TMEM132C: variants seen among roughly 807,000 people sequenced by gnomAD.
TMEM132C encodes transmembrane protein 132C.
TMEM132C carries 29 observed loss-of-function variants against 61.4 expected under a neutral mutation model. The ratio of observed to expected loss-of-function variants is 0.47; its 90% CI spans 0.35 to 0.64. TMEM132C has a LOEUF of 0.64. Ranked by LOEUF, TMEM132C falls within the 30% of genes least tolerant of loss-of-function variation. The pLI, the probability that TMEM132C is intolerant of heterozygous loss-of-function variation, is 0.00. For synonymous variants in TMEM132C, 656 were observed against 633.1 expected (o/e 1.04, Z -0.54); for missense variants, 1,408 against 1,476.9 (o/e 0.95, Z 0.76).
intron 1 of TMEM132C, among the ~76,000 whole-genome samples, chr12:128,386,653 T>G (rs1874591736): frequency 6.6e-6 from 1 of 152,214 alleles, no homozygotes; most frequent in African/African-American, 2.4e-5. Context: ...TGACAGGCGT[T>G]AAGTCCTCCC....
At chr12:128,426,709 A>G (rs1179592162) in intron 2 of TMEM132C, among the ~76,000 whole-genome samples, 3 of 152,134 alleles carry the variant, frequency 2.0e-5, no homozygotes, top group Non-Finnish European at 4.4e-5. Context: ...CCCCCTCCGC[A>G]GCTCCCCATA....
chr12:128,625,311 T>C (rs1484403007), intron 4 of TMEM132C, among the ~76,000 whole-genome samples: 1 of 152,214 alleles, frequency 6.6e-6, no homozygotes, highest in African/African-American at 2.4e-5. Context: ...CAGTGTCTGG[T>C]GAGGACTTGC....
chr12:128,380,091 C>G (rs998983048), intron 1 of TMEM132C, among the ~76,000 whole-genome samples: 14 of 152,266 alleles, frequency 9.2e-5, no homozygotes, highest in Admixed American at 4.6e-4. Flanking sequence ...CTTCTGCTCA[C>G]AAGTCATCTT....
intron 1 of TMEM132C, among the ~76,000 whole-genome samples, chr12:128,322,819 A>C (rs1872376514): frequency 6.6e-6 from 1 of 152,246 alleles, no homozygotes; most frequent in Non-Finnish European, 1.5e-5. Context: ...AGTTTTACAT[A>C]GATTAACTCT....
intron 1 of TMEM132C, among the ~76,000 whole-genome samples, chr12:128,377,211 C>A (rs945002181): frequency 1.3e-5 from 2 of 152,108 alleles, no homozygotes; most frequent in Admixed American, 6.5e-5. Flanking sequence ...TGCAGCACCA[C>A]GCCCAGTTAA....
intron 1 of TMEM132C, among the ~76,000 whole-genome samples, chr12:128,354,420 AT>A (rs1873436124): frequency 7.8e-6 from 1 of 128,696 alleles, no homozygotes; most frequent in Non-Finnish European, 1.7e-5. Flanking sequence ...CCCTTCTTTA[AT>A]TCTTTTTCTT....
intron 4 of TMEM132C, among the ~76,000 whole-genome samples, chr12:128,626,052 A>C (rs1156661125): frequency 1.3e-5 from 2 of 152,130 alleles, no homozygotes; most frequent in African/African-American, 4.8e-5. Context: ...TTATTACTTA[A>C]TTCAGTAATA....
intron 5 of TMEM132C, among the ~76,000 whole-genome samples, chr12:128,692,171 C>A (rs1198260193): frequency 6.6e-6 from 1 of 152,168 alleles, no homozygotes; most frequent in South Asian, 2.1e-4. Context: ...ATTTGTCCAC[C>A]ACCCATTCAC....
intron 5 of TMEM132C, among the ~76,000 whole-genome samples, chr12:128,680,627 A>C (rs1954627384): frequency 6.6e-6 from 1 of 152,218 alleles, no homozygotes; most frequent in Admixed American, 6.5e-5. Context: ...CCATCATCAC[A>C]GAAAGTTCTA....
intron 2 of TMEM132C, among the ~76,000 whole-genome samples, chr12:128,452,179 C>G (rs781085455): frequency 6.6e-6 from 1 of 152,030 alleles, no homozygotes; most frequent in Non-Finnish European, 1.5e-5. Flanking sequence ...CTGCATCCTT[C>G]ACTTCCCAAG....
chr12:128,371,789 G>T (rs760621460), intron 1 of TMEM132C, among the ~76,000 whole-genome samples: 1 of 152,108 alleles, frequency 6.6e-6, no homozygotes, highest in African/African-American at 2.4e-5. Context: ...GTGTTGCCCA[G>T]GTTGGTCTCA....
chr12:128,614,175 A>G lies in TMEM132C; in HGVS notation c.1122-1977A>G, dbSNP rs1457855627. Among the ~76,000 whole-genome samples, 3 of 152,188 alleles carry G rather than the reference A, an allele frequency of 2.0e-5. No homozygotes were observed. The South Asian group carries it at 6.2e-4, about 32-fold the overall frequency. On this transcript the variant is annotated intron_variant, in intron 3 of 8. Coordinates refer to ENST00000435159, the MANE Select transcript of TMEM132C (RefSeq NM_001136103.3). ...AGCGGTTCTATTGATCAACAGCTCT[A>G]CAAAGCTCGGCCAACTTCCCCTTCT... is the stretch of plus-strand genomic sequence containing the variant.
chr12:128,274,117 A>C (rs1303081760), intron 1 of TMEM132C, among the ~76,000 whole-genome samples: 2 of 152,200 alleles, frequency 1.3e-5, no homozygotes, highest in African/African-American at 2.4e-5. Context: ...TCTGGAGTCT[A>C]AATCAGCAAA....
At chr12:128,277,037 T>C (rs1204133541) in intron 1 of TMEM132C, among the ~76,000 whole-genome samples, 1 of 152,084 alleles carries the variant, frequency 6.6e-6, no homozygotes, top group African/African-American at 2.4e-5. Flanking sequence ...TTCCTGAAAA[T>C]GTGATTTTTG....
intron 1 of TMEM132C, among the ~76,000 whole-genome samples, chr12:128,405,236 G>A (rs890610725): frequency 9.2e-5 from 14 of 152,240 alleles, no homozygotes; most frequent in South Asian, 4.1e-4. Flanking sequence ...TAACGTTTCC[G>A]GGAGAAAACA....
chr12:128,334,432 T>C (rs762118488), intron 1 of TMEM132C, among the ~76,000 whole-genome samples: 1 of 152,180 alleles, frequency 6.6e-6, no homozygotes, highest in Non-Finnish European at 1.5e-5. Context: ...GGTTTCCAAC[T>C]GTGTTCCATA....
chr12:128,580,719 G>A (rs181116315), intron 3 of TMEM132C, among the ~76,000 whole-genome samples: 253 of 152,198 alleles, frequency 1.7e-3, no homozygotes, highest in Admixed American at 2.4e-3. Context: ...TTCTTATAGC[G>A]ACAGTCCCCA....
At chr12:128,527,001 A>G (rs1342344424) in intron 2 of TMEM132C, among the ~76,000 whole-genome samples, 1 of 152,170 alleles carries the variant, frequency 6.6e-6, no homozygotes, top group African/African-American at 2.4e-5. Context: ...GTGGGCCTCA[A>G]AGTATACACT....
intron 6 of TMEM132C, 56 bp downstream of exon 6, chr12:128,694,090 C>A: frequency 1.3e-6 from 2 of 1,513,282 alleles, no homozygotes; most frequent in South Asian, 2.4e-5. Context: ...TATTTACTGA[C>A]CTTAACACTA....
Sources: allele counts gnomAD v4.1 joint callset (sites outside exome capture counted in the v4.1 genomes callset), GRCh38; gene constraint gnomAD v4.1.1; transcripts MANE v1.5; gene names NCBI Gene and HGNC (gene_info 2026-07-23, HGNC 2026-07-21).